The following DOCK9 variants were observed in gnomAD, a reference collection of about 807,000 sequenced individuals.
The protein encoded by DOCK9 is dedicator of cytokinesis 9.
DOCK9 carries 89 observed loss-of-function variants against 263.3 expected under a neutral mutation model. The ratio of observed to expected loss-of-function variants is 0.34; its 90% CI spans 0.28 to 0.40. DOCK9 has a LOEUF of 0.40. Ranked by LOEUF, DOCK9 falls within the 10% of genes least tolerant of loss-of-function variation. The pLI, the probability that DOCK9 is intolerant of heterozygous loss-of-function variation, is 1.00. For synonymous variants in DOCK9, 976 were observed against 973.1 expected, an observed-to-expected ratio of 1.00 and a Z score of -0.06; for missense variants, 2,140 against 2,603.4, an observed-to-expected ratio of 0.82 and a Z score of 3.87.
intron 2 of DOCK9, among the ~76,000 whole-genome samples, chr13:98,952,482 A>G (rs9513517): frequency 0.42 from 63,299 of 151,612 alleles, 13,524 homozygotes; most frequent in East Asian, 0.56. Flanking sequence ...TGATCTGCCC[A>G]CCTCGGCCTC....
chr13:98,846,160 T>C (rs1438589721), intron 37 of DOCK9, 100 bp from the exon 38 acceptor site: 13 of 1,375,184 alleles, frequency 9.5e-6, no homozygotes, highest in South Asian at 1.4e-5. Flanking sequence ...ACGAGGGAGA[T>C]GGCCATGCAC....
intron 1 of DOCK9, among the ~76,000 whole-genome samples, chr13:99,047,318 G>A (rs568774493): frequency 6.6e-6 from 1 of 152,300 alleles, no homozygotes; most frequent in Non-Finnish European, 1.5e-5. Context: ...CACAGGCTGA[G>A]GAGTATCAGC....
chr13:98,880,988 C>T (rs1237182480), intron 25 of DOCK9, among the ~76,000 whole-genome samples: 1 of 152,192 alleles, frequency 6.6e-6, no homozygotes, highest in Non-Finnish European at 1.5e-5. Flanking sequence ...CAGAACTTTA[C>T]TTTTTAAATT....
chr13:98,941,766 A>G (rs778553490), intron 2 of DOCK9, among the ~76,000 whole-genome samples: 10 of 152,286 alleles, frequency 6.6e-5, no homozygotes, highest in Non-Finnish European at 1.2e-4. Context: ...GAGGATGGCA[A>G]CTAAAAACAG....
At chr13:98,826,397 G>T (rs1265897388) in intron 44 of DOCK9, among the ~76,000 whole-genome samples, 1 of 152,200 alleles carries the variant, frequency 6.6e-6, no homozygotes, top group Non-Finnish European at 1.5e-5. Context: ...TGGGAGATAA[G>T]GTTTCCATCA....
intron 15 of DOCK9, 44 bp from the exon 16 acceptor site, chr13:98,888,755 T>C: frequency 6.5e-7 from 1 of 1,536,760 alleles, no homozygotes; most frequent in South Asian, 1.1e-5. Context: ...GTAAGTTAAC[T>C]CTAAAACCGA....
At chr13:98,911,784 A>T (rs1056277780) in intron 9 of DOCK9, among the ~76,000 whole-genome samples, 1 of 151,710 alleles carries the variant, frequency 6.6e-6, no homozygotes, top group African/African-American at 2.4e-5. Flanking sequence ...CCAAAATAAT[A>T]ATGACAGTAT....
intron 1 of DOCK9, among the ~76,000 whole-genome samples, chr13:99,082,567 A>AT (rs879747217): frequency 0.27 from 8,635 of 31,826 alleles, 472 homozygotes; most frequent in East Asian, 0.51. Context: ...AAATAAATAA[A>AT]AAAAAACAGC....
At chr13:98,904,525 G>T in intron 10 of DOCK9, 107 bp downstream of exon 10, 28 of 802,288 alleles carry the variant, frequency 3.5e-5, no homozygotes, top group East Asian at 1.1e-4. Flanking sequence ...TAGTTATTTT[G>T]CTTGTTTTTC....
intron 27 of DOCK9, among the ~76,000 whole-genome samples, chr13:98,871,573 T>G (rs186064365): frequency 1.3e-5 from 2 of 152,334 alleles, no homozygotes; most frequent in African/African-American, 4.8e-5. Context: ...CAATAGAATG[T>G]TTTTATGGAG....
Position 98,805,054 on chromosome 13 carries a change from G to A in DOCK9, c.5670C>T (p.Thr1890=), listed in dbSNP as rs373066046. 38 of 1,611,668 alleles carry A rather than the reference G, an allele frequency of 2.4e-5. No homozygotes were observed. Among genetic ancestry groups the A allele is most frequent in the East Asian group, 2.2e-4 (10 of 44,822 alleles). The change falls in exon 49 of 53, where the codon ACC becomes ACT. Residue 1890 remains threonine (T), a synonymous_variant. Coordinates refer to ENST00000682017, the MANE Select transcript of DOCK9 (RefSeq NM_001366683.2). The part of the protein sequence containing the change: ...RFMFEMPFTQ[T]GKRQGGVEEQ... Reference sequence around the variant, plus strand: ...CTTCCACCCCGCCCTGCCTCTTCCCGGTCTGCGTAAATGGCATCTCAAACA... The same window carrying A: ...CTTCCACCCCGCCCTGCCTCTTCCCAGTCTGCGTAAATGGCATCTCAAACA...
chr13:99,086,480 C>T, exon 1 of DOCK9: 2 of 543,116 alleles, frequency 3.7e-6, no homozygotes, highest in Non-Finnish European at 4.7e-6. Context: ...GCCTGCTCCC[C>T]CCGCTGCTCG....
Position 98,881,983 on chromosome 13 carries a change from C to A in DOCK9, c.2584G>T (p.Val862Leu). 1 of 1,595,176 alleles carries A rather than the reference C, an allele frequency of 6.3e-7. No homozygotes were observed. The highest frequency in any genetic ancestry group is 8.5e-7 in the Non-Finnish European group (1 of 1,170,704). Residue 862 changes from valine (V) to leucine (L), a missense_variant, in exon 24 of 53, where the codon GTG becomes TTG. Physicochemically the swap from Val to Leu is conservative, Grantham distance 32. Coordinates refer to ENST00000682017, the MANE Select transcript of DOCK9 (RefSeq NM_001366683.2). ...ATAGTGGGCAAGAAGGCGATCATCACGTGGCCTTCCATCGCATGCAGACTC... is the reference window on the plus strand; with the variant it reads ...ATAGTGGGCAAGAAGGCGATCATCAAGTGGCCTTCCATCGCATGCAGACTC... ...LKSLHAMEGH[V>L]MIAFLPTILN...
intron 15 of DOCK9, among the ~76,000 whole-genome samples, chr13:98,897,125 T>A (rs556022148): frequency 6.6e-6 from 1 of 152,154 alleles, no homozygotes; most frequent in South Asian, 2.1e-4. Context: ...AGTCATCGTA[T>A]CTCTTTGGCA....
At chr13:99,075,569 T>C (rs932072121) in intron 1 of DOCK9, among the ~76,000 whole-genome samples, 1 of 152,028 alleles carries the variant, frequency 6.6e-6, no homozygotes, top group East Asian at 1.9e-4. Flanking sequence ...TCTCACTTTG[T>C]TGCCCAGGCT....
At chr13:98,865,791 A>G (rs1378241170) in intron 30 of DOCK9, among the ~76,000 whole-genome samples, 1 of 152,002 alleles carries the variant, frequency 6.6e-6, no homozygotes, top group Non-Finnish European at 1.5e-5. Flanking sequence ...GGTTAATTCC[A>G]GTTGAGGAAG....
intron 44 of DOCK9, chr13:98,826,041 C>G (rs113884662): frequency 1.2e-5 from 12 of 991,982 alleles, no homozygotes; most frequent in African/African-American, 1.2e-4. Context: ...CTCTTTGGGG[C>G]TCTGCTGTTT....
intron 31 of DOCK9, 115 bp from the exon 32 acceptor site, chr13:98,863,247 A>C: frequency 6.7e-7 from 1 of 1,493,164 alleles, no homozygotes; most frequent in Non-Finnish European, 9.2e-7. Flanking sequence ...ATTTGATTTT[A>C]GTCCCAAAAT....
chr13:98,950,326 T>G, intron 2 of DOCK9: 2 of 825,940 alleles, frequency 2.4e-6, no homozygotes, highest in South Asian at 2.9e-5. Context: ...TTTTCCTTTC[T>G]TCTGCTCCTT....
Sources: gnomAD v4.1 joint callset for allele counts (sites outside exome capture counted in the v4.1 genomes callset) on GRCh38, gnomAD v4.1.1 for gene constraint, MANE v1.5 for transcripts, NCBI Gene and HGNC (gene_info 2026-07-23, HGNC 2026-07-21) for gene names.